Variants in HECTD4 observed in about 807,000 individuals in gnomAD.
The protein encoded by HECTD4 is probable E3 ubiquitin-protein ligase HECTD4.
HECTD4 carries 114 observed loss-of-function variants against 471.5 expected under a neutral mutation model. The ratio of observed to expected loss-of-function variants is 0.24; its 90% CI spans 0.21 to 0.28. HECTD4 has a LOEUF of 0.28. Ranked by LOEUF, HECTD4 falls within the 10% of genes least tolerant of loss-of-function variation. The pLI is 1.00. For missense variants in HECTD4, 3,866 were observed against 5,651.5 expected, an observed-to-expected ratio of 0.68 and a Z score of 10.13; for synonymous variants, 2,012 against 2,256.0, an observed-to-expected ratio of 0.89 and a Z score of 3.07.
At chr12:112,256,713 G>A in intron 20 of HECTD4, 195 bp from the exon 21 acceptor site, 1 of 373,216 alleles carries the variant, frequency 2.7e-6, no homozygotes, top group Non-Finnish European at 4.7e-6. Flanking sequence ...CTTGTTGTCA[G>A]ATATTATACT....
chr12:112,243,273 T>C lies in HECTD4; in HGVS notation c.4958+80A>G. ...AAACATTAGCAAATACTACCGCCTA[T>C]GTTTGGGTCCCAAGAATAATCTTTT... is the stretch of plus-strand genomic sequence containing the variant. On this transcript the variant is annotated intron_variant, in intron 32 of 75. Transcript: ENST00000682272. This position sits in a 1 kb window ranked among gnomAD's most constrained non-coding sequence, Gnocchi z 6.6. The C allele has an allele frequency of 7.8e-7, 1 of 1,280,754 alleles. No homozygotes were observed. The highest frequency in any genetic ancestry group is 1.4e-5 in the South Asian group (1 of 70,462). 79.3% of individuals were successfully genotyped at this position (1,280,754 alleles called of 1,614,324 possible). A position where few individuals can be genotyped will look rare whatever the true frequency, so the allele number is the denominator to read the frequency against.
chr12:112,375,919 A>G (rs960747494), intron 1 of HECTD4, among the ~76,000 whole-genome samples: 9 of 151,744 alleles, frequency 5.9e-5, no homozygotes, highest in Non-Finnish European at 1.3e-4. Flanking sequence ...AAATACAAAA[A>G]AAAAAAAAAA....
chr12:112,277,813 T>G (rs1276535956), intron 9 of HECTD4, among the ~76,000 whole-genome samples: 1 of 152,228 alleles, frequency 6.6e-6, no homozygotes, highest in Non-Finnish European at 1.5e-5. Flanking sequence ...CTCCATAATG[T>G]GTCAAGTGTC....
chr12:112,313,156 G>A lies in HECTD4; in HGVS notation c.786-9C>T. The A allele has an allele frequency of 6.5e-7, 1 of 1,529,882 alleles. No individual in the cohort carries two copies. Among genetic ancestry groups the A allele is most frequent in the Non-Finnish European group, 8.7e-7 (1 of 1,143,408 alleles). 94.8% of individuals were successfully genotyped at this position (1,529,882 alleles called of 1,614,324 possible). ...CTTCCAAAAGCAACAGCCTATATGG[G>A]GGAGAAAGAAAATCACAAAGACACT... On this transcript the variant is annotated splice_polypyrimidine_tract_variant and intron_variant, in intron 3 of 75. Transcript: ENST00000682272.
intron 23 of HECTD4, 29 bp downstream of exon 23, chr12:112,252,395 T>A (rs778471371): frequency 1.3e-6 from 2 of 1,560,412 alleles, no homozygotes; most frequent in East Asian, 4.7e-5. Context: ...TAGTACATTT[T>A]GTCCACGGCA....
At position 112,381,606 on chromosome 12, in the gene HECTD4, T is replaced by C. The variant is rs1026374127; in HGVS notation, c.177+346A>G. ...CCTGGAAGTGGGTCCTGGGGGCCCGTGGGGGAGGGGAGGGAGGGCCCGGGT... is the reference window on the plus strand; with the variant it reads ...CCTGGAAGTGGGTCCTGGGGGCCCGCGGGGGAGGGGAGGGAGGGCCCGGGT... On this transcript the variant is annotated intron_variant, in intron 1 of 75. Coordinates refer to ENST00000682272, the MANE Select transcript of HECTD4 (RefSeq NM_001388303.1). The surrounding 1 kb of genome is among the most constrained non-coding windows in gnomAD (Gnocchi z 4.1). Among the ~76,000 whole-genome samples the C allele has an allele frequency of 7.0e-6, 1 of 143,810 alleles. No individual in the cohort carries two copies. The highest frequency in any genetic ancestry group is 2.6e-5 in the African/African-American group (1 of 38,876). The allele number at this position is 143,810 out of a possible 152,430, so 94.3% of individuals were successfully genotyped here.
Position 112,184,231 on chromosome 12 carries a change from G to C in HECTD4, c.10735C>G (p.Gln3579Glu). 1 of 1,613,322 alleles carries C rather than the reference G, an allele frequency of 6.2e-7. No individual in the cohort carries two copies. The highest frequency in any genetic ancestry group is 8.5e-7 in the Non-Finnish European group (1 of 1,179,732). ...SMYTVTSLDN[Q>E]PLAARPIKGF... ...TTGATGGGGCGGGCGGCGAGGGGCT[G>C]GTTGTCCAGGGAAGTGACTGTGTAC... Residue 3579 changes from glutamine (Q) to glutamate (E), a missense_variant, in exon 61 of 76, where the codon CAG (glutamine) becomes GAG (glutamate). By Grantham distance (29) the Gln-to-Glu change is conservative. This residue lies in a region of HECTD4 where 192 missense variants were observed against 189.9 expected (regional missense o/e 1.01). Coordinates refer to ENST00000682272, the MANE Select transcript of HECTD4 (RefSeq NM_001388303.1). This position sits in a 1 kb window ranked among gnomAD's most constrained non-coding sequence, Gnocchi z 9.1.
rs970954182 is a variant in HECTD4, at chr12:112,250,850, C to T, written c.3716+121G>A. Reference sequence around the variant, plus strand: ...ATCTTATTTTTCTTAGACACAATGACACCCATGAGATTGCCAGGCAGTAGG... The same window carrying T: ...ATCTTATTTTTCTTAGACACAATGATACCCATGAGATTGCCAGGCAGTAGG... On this transcript the variant is annotated intron_variant, in intron 24 of 75. Coordinates refer to ENST00000682272, the MANE Select transcript of HECTD4 (RefSeq NM_001388303.1). 3 of 888,658 alleles carry T rather than the reference C, an allele frequency of 3.4e-6. No homozygotes were observed. The African/African-American group carries it at 5.1e-5, about 15-fold the overall frequency. The allele number at this position is 888,658 out of a possible 1,614,324, so 55.0% of individuals were successfully genotyped here.
chr12:112,256,085 G>C (rs979201266), intron 21 of HECTD4, among the ~76,000 whole-genome samples: 3 of 152,136 alleles, frequency 2.0e-5, no homozygotes, highest in Non-Finnish European at 4.4e-5. Flanking sequence ...AGCTTACAAA[G>C]TACACTTTCA....
At chr12:112,292,472 C>A (rs2034908229) in intron 7 of HECTD4, among the ~76,000 whole-genome samples, 2 of 152,170 alleles carry the variant, frequency 1.3e-5, no homozygotes, top group Admixed American at 1.3e-4. Flanking sequence ...GTCTCCTCCA[C>A]AAGAATGTAA....
rs1373377525 is a variant in HECTD4 at position 112,185,164 on chromosome 12, T to A, written c.9802A>T (p.Thr3268Ser). Residue 3268 changes from threonine to serine, a missense_variant, in exon 61 of 76, where the codon ACC (threonine) becomes TCC (serine). This residue lies in a region of HECTD4 where 38 missense variants were observed against 72.1 expected (regional missense o/e 0.53). Transcript: ENST00000682272. ...MEGCLAVAEV[T>S]LPTNMSVTAS... ...GTGACACTCATGTTAGTAGGCAGGG[T>A]CACTTCGGCCACAGCCAGGCACCCT... 3.9e-6 allele frequency: 6 copies of A among 1,552,032 alleles called. No homozygotes were observed.
chr12:112,317,641 G>A (rs970858959), intron 2 of HECTD4, among the ~76,000 whole-genome samples: 1 of 152,160 alleles, frequency 6.6e-6, no homozygotes, highest in African/African-American at 2.4e-5. Flanking sequence ...AGATGCCAGT[G>A]ATCATACGGG....
At position 112,301,980 on chromosome 12, in the gene HECTD4, C is replaced by T. The variant is rs116540495; in HGVS notation, c.1335+4084G>A. The stretch of plus-strand genomic sequence containing the variant: ...CCTCCCCAGTGACAGCAGATCTCAT[C>T]GTATCTGTCATTGTCATTGGTCCTG... On this transcript the variant is annotated intron_variant, in intron 7 of 75. Transcript: ENST00000682272. 706 of 871,016 alleles carry T rather than the reference C, an allele frequency of 8.1e-4. 2 individuals carry two copies. The African/African-American group carries it at 9.9e-3, about 12-fold the overall frequency. 54.0% of individuals were successfully genotyped at this position (871,016 alleles called of 1,614,324 possible).
intron 1 of HECTD4, among the ~76,000 whole-genome samples, chr12:112,349,303 C>T (rs904857272): frequency 2.0e-5 from 3 of 148,062 alleles, no homozygotes; most frequent in South Asian, 4.3e-4. Context: ...GCAGAAGAAT[C>T]GCTTGAACCC....
intron 7 of HECTD4, among the ~76,000 whole-genome samples, chr12:112,298,254 G>C (rs2035084552): frequency 6.6e-6 from 1 of 152,110 alleles, no homozygotes; most frequent in South Asian, 2.1e-4. Context: ...ATACTCTAAC[G>C]TATCTGTATG....
intron 44 of HECTD4, among the ~76,000 whole-genome samples, chr12:112,220,846 G>A (rs1331726365): frequency 6.6e-6 from 1 of 152,114 alleles, no homozygotes; most frequent in Non-Finnish European, 1.5e-5. Flanking sequence ...CCTGCATGGT[G>A]GTGCATGCCT....
chr12:112,310,771 G>C (rs994144159), intron 4 of HECTD4, among the ~76,000 whole-genome samples: 1 of 152,122 alleles, frequency 6.6e-6, no homozygotes, highest in Non-Finnish European at 1.5e-5. Context: ...AAAACTTATA[G>C]ATTACATTTA....
At position 112,381,901 on chromosome 12, in the gene HECTD4, C is replaced by G. The variant is rs2036902227; in HGVS notation, c.177+51G>C. The G allele has an allele frequency of 1.7e-6, 2 of 1,184,224 alleles. No individual in the cohort carries two copies. Among genetic ancestry groups the G allele is most frequent in the African/African-American group, 3.2e-5 (2 of 63,178 alleles). The allele number at this position is 1,184,224 out of a possible 1,614,324, so 73.4% of individuals were successfully genotyped here. ...GAGGAGGGGGCCCGACCCGGGGGTG[C>G]CGGGCGAGTGGGTCAGTCCGATGGC... On this transcript the variant is annotated intron_variant, in intron 1 of 75. Transcript: ENST00000682272. This position sits in a 1 kb window ranked among gnomAD's most constrained non-coding sequence, Gnocchi z 4.1.
intron 18 of HECTD4, among the ~76,000 whole-genome samples, chr12:112,259,925 A>C (rs1307960954): frequency 2.0e-5 from 3 of 152,278 alleles, no homozygotes; most frequent in African/African-American, 7.2e-5. Context: ...ATGCAGAAGC[A>C]GGCAGATTTC....
Sources: gnomAD v4.1 joint callset for allele counts (sites outside exome capture counted in the v4.1 genomes callset) on GRCh38, gnomAD v4.1.1 for gene constraint, gnomAD v4.1.1 regional missense constraint, Gnocchi (gnomAD v3.1) non-coding constraint, MANE v1.5 for transcripts, NCBI Gene and HGNC (gene_info 2026-07-23, HGNC 2026-07-21) for gene names.